TMEM131: variants seen among roughly 807,000 people sequenced by gnomAD.
TMEM131 encodes the protein 2610524E03Rik.
TMEM131 carries 66 observed loss-of-function variants against 211.6 expected under a neutral mutation model. The ratio of observed to expected loss-of-function variants is 0.31; its 90% CI spans 0.26 to 0.38. The LOEUF (loss-of-function observed/expected upper bound fraction) is 0.38. Among genes scored for constraint, TMEM131 ranks in the 10% least tolerant of loss-of-function variants. The probability of loss-of-function intolerance (pLI) is 1.00; values close to 1 mark genes in which losing one functional copy is unlikely to be tolerated. For synonymous variants in TMEM131, 844 were observed against 841.3 expected, an observed-to-expected ratio of 1.00 and a Z score of -0.06; for missense variants, 2,036 against 2,299.3, an observed-to-expected ratio of 0.89 and a Z score of 2.34.
chr2:97,897,053 A>C (rs1386996250), intron 3 of TMEM131, among the ~76,000 whole-genome samples: 1 of 151,990 alleles, frequency 6.6e-6, no homozygotes, highest in African/African-American at 2.4e-5. Flanking sequence ...TTTTTTTGTT[A>C]AATTTATCCC....
At chr2:97,969,872 CTTATCTAAATG>C (rs2104597439) in intron 1 of TMEM131, among the ~76,000 whole-genome samples, 1 of 152,306 alleles carries the variant, frequency 6.6e-6, no homozygotes, top group South Asian at 2.1e-4. Flanking sequence ...AAATCATCCA[CTTATCTAAATG>C]TTACTCAGTG....
intron 1 of TMEM131, among the ~76,000 whole-genome samples, chr2:97,981,043 A>G (rs1347204542): frequency 9.1e-4 from 86 of 94,528 alleles, no homozygotes; most frequent in East Asian, 7.2e-3. Context: ...AAAAAAAAAA[A>G]AAAAAAAAAA....
chr2:97,779,470 T>G (rs1037802654), intron 31 of TMEM131, among the ~76,000 whole-genome samples: 3 of 152,248 alleles, frequency 2.0e-5, no homozygotes, highest in African/African-American at 7.2e-5. Context: ...CTAAGGGTCT[T>G]GTCTCTTCCT....
At chr2:97,793,627 G>A in intron 29 of TMEM131, 74 bp from the exon 30 acceptor site, 1 of 1,413,624 alleles carries the variant, frequency 7.1e-7, no homozygotes, top group East Asian at 2.5e-5. Context: ...GATGTTAAAG[G>A]CAGAGTTTCT....
At chr2:97,995,132 G>A (rs1290175475) in intron 1 of TMEM131, among the ~76,000 whole-genome samples, 1 of 152,180 alleles carries the variant, frequency 6.6e-6, no homozygotes, top group African/African-American at 2.4e-5. Flanking sequence ...GCAACCAACC[G>A]CAACCAAGAA....
intron 2 of TMEM131, among the ~76,000 whole-genome samples, chr2:97,917,932 T>C (rs992255798): frequency 6.6e-6 from 1 of 151,768 alleles, no homozygotes; most frequent in Non-Finnish European, 1.5e-5. Context: ...AATCACATGA[T>C]TGGTTTTTTT....
chr2:97,942,815 T>A (rs1004677925), intron 1 of TMEM131, among the ~76,000 whole-genome samples: 2 of 151,758 alleles, frequency 1.3e-5, no homozygotes, highest in African/African-American at 2.4e-5. Flanking sequence ...AAGCTTTTTT[T>A]AAAAAGCATA....
chr2:97,986,784 C>T (rs945768263), intron 1 of TMEM131, among the ~76,000 whole-genome samples: 1 of 152,208 alleles, frequency 6.6e-6, no homozygotes, highest in Admixed American at 6.5e-5. Flanking sequence ...GTCACCAATC[C>T]ATAGAAGCAT....
At chr2:97,780,472 C>T (rs1186275579) in intron 31 of TMEM131, among the ~76,000 whole-genome samples, 1 of 152,132 alleles carries the variant, frequency 6.6e-6, no homozygotes, top group African/African-American at 2.4e-5. Flanking sequence ...TCTACACTGT[C>T]AGTAGCCCTG....
intron 5 of TMEM131, among the ~76,000 whole-genome samples, chr2:97,854,220 G>A (rs530789120): frequency 6.6e-6 from 1 of 152,328 alleles, no homozygotes; most frequent in South Asian, 2.1e-4. Flanking sequence ...ACGACTTGCA[G>A]AAGGCTGACA....
At position 97,839,282 on chromosome 2, in the gene TMEM131, G is replaced by T. The variant is rs961747166; in HGVS notation, c.724-2125C>A. On this transcript the variant is annotated intron_variant, in intron 7 of 40. Coordinates refer to ENST00000186436, the MANE Select transcript of TMEM131 (RefSeq NM_015348.2). ...GTCAAGACTGCAGTAAGCCAAGATG[G>T]CACCACTGCACTCCAGCCTGGTGTC... Among the ~76,000 whole-genome samples the T allele has an allele frequency of 2.0e-5, 3 of 151,874 alleles. No individual in the cohort carries two copies. In the South Asian group the frequency reaches 6.2e-4, roughly 32 times the overall value.
Position 97,841,795 on chromosome 2 carries a change from A to T in TMEM131, c.723+20T>A. 6.5e-7 allele frequency: 1 copy of T among 1,549,766 alleles called. No individual in the cohort carries two copies. The highest frequency in any genetic ancestry group is 2.3e-5 in the East Asian group (1 of 44,036). On this transcript the variant is annotated intron_variant, in intron 7 of 40. Coordinates refer to ENST00000186436, the MANE Select transcript of TMEM131 (RefSeq NM_015348.2). The stretch of plus-strand genomic sequence containing the variant: ...TCCCACCAAAATGAAGCTTATTCAA[A>T]ATTACCATCATAAACTCACCTGTAA...
In TMEM131 at chr2:97,834,847, T is replaced by C. The variant is rs768718636; in HGVS notation, c.883A>G (p.Ile295Val). 2.0e-5 allele frequency: 32 copies of C among 1,613,750 alleles called. No homozygotes were observed. The highest frequency in any genetic ancestry group is 2.5e-5 in the Non-Finnish European group (30 of 1,179,826). The stretch of plus-strand genomic sequence containing the variant: ...TCTGAAGCATTAGTCTTTATTCTTA[T>C]GAAGGCTGTGTGATTATCTGCTTCT... ...SREADNHTAFIRIKTNASDST... is the reference protein window; with the variant it reads ...SREADNHTAFVRIKTNASDST... The change falls in exon 9 of 41, where the codon ATA (isoleucine) becomes GTA (valine). Residue 295 changes from isoleucine (I) to valine (V), a missense_variant. Physicochemically the swap from Ile to Val is conservative, Grantham distance 29. Coordinates refer to ENST00000186436, the MANE Select transcript of TMEM131 (RefSeq NM_015348.2).
At chr2:97,960,456 C>G (rs1261364317) in intron 1 of TMEM131, among the ~76,000 whole-genome samples, 1 of 151,780 alleles carries the variant, frequency 6.6e-6, no homozygotes, top group African/African-American at 2.4e-5. Context: ...CAATGAGAAT[C>G]CCTTCAAGCC....
intron 1 of TMEM131, among the ~76,000 whole-genome samples, chr2:97,958,193 G>A (rs925992394): frequency 8.5e-5 from 13 of 152,172 alleles, no homozygotes; most frequent in Non-Finnish European, 1.3e-4. Flanking sequence ...GCTGGAGAGG[G>A]GGGCAGAAGC....
chr2:97,803,242 T>C (rs537092650), intron 22 of TMEM131, among the ~76,000 whole-genome samples: 3 of 152,318 alleles, frequency 2.0e-5, no homozygotes, highest in African/African-American at 7.2e-5. Flanking sequence ...AGCAGGGTGC[T>C]AAAAACATTT....
chr2:97,772,002 A>G (rs1679490122), intron 33 of TMEM131, among the ~76,000 whole-genome samples: 1 of 152,212 alleles, frequency 6.6e-6, no homozygotes, highest in Non-Finnish European at 1.5e-5. Flanking sequence ...AGTAAAATGG[A>G]TCTCAGCCTG....
intron 2 of TMEM131, among the ~76,000 whole-genome samples, chr2:97,916,636 A>G (rs1457804953): frequency 6.6e-6 from 1 of 152,232 alleles, no homozygotes; most frequent in East Asian, 1.9e-4. Flanking sequence ...TTGCAGAGAG[A>G]AAAATAACTG....
rs1284899278 is a variant in TMEM131, at chr2:97,796,346, T to C, written c.3072A>G (p.Thr1024=). The C allele has an allele frequency of 6.4e-7, 1 of 1,550,944 alleles. No homozygotes were observed. Among genetic ancestry groups the C allele is most frequent in the Non-Finnish European group, 8.7e-7 (1 of 1,148,774 alleles). ...TTTCTATGTGAATTTGAAGTTGTCC[T>C]GTATTCTCTACCTTAAATGTTCTTT... is the stretch of plus-strand genomic sequence containing the variant. ...TLKRTFKVEN[T]GQLQIHIETI... is the part of the protein sequence containing the mutation. The change falls in exon 28 of 41, where the codon ACA becomes ACG. Residue 1024 remains threonine, a synonymous_variant. Coordinates refer to ENST00000186436, the MANE Select transcript of TMEM131 (RefSeq NM_015348.2).
Sources: allele counts gnomAD v4.1 joint callset (sites outside exome capture counted in the v4.1 genomes callset), GRCh38; gene constraint gnomAD v4.1.1; transcripts MANE v1.5; gene names NCBI Gene and HGNC (gene_info 2026-07-23, HGNC 2026-07-21).